XK: variants seen among roughly 807,000 people sequenced by gnomAD.
XK encodes the protein endoplasmic reticulum membrane adapter protein XK.
XK carries 2 observed loss-of-function variants against 14.0 expected under a neutral mutation model. The observed-to-expected ratio is 0.14, with a 90% CI of 0.06 to 0.45. XK has a LOEUF of 0.45. XK is among the 20% of genes least tolerant of loss of function. The pLI is 0.98. For missense variants in XK, 235 were observed against 341.5 expected, an observed-to-expected ratio of 0.69 and a Z score of 2.46; for synonymous variants, 149 against 147.5, an observed-to-expected ratio of 1.01 and a Z score of -0.08.
intron 1 of XK, among the ~76,000 whole-genome samples, chrX:37,693,692 G>A (rs1417363539): frequency 8.9e-6 from 1 of 111,840 alleles, no homozygotes; most frequent in African/African-American, 3.3e-5. Flanking sequence ...GTAACATGTT[G>A]TGGTCTCCCA....
chrX:37,731,922 A>G lies in XK; in HGVS notation c.*3460A>G, dbSNP rs987466242. 4.5e-5 allele frequency: 5 copies of G among 112,069 alleles called. No homozygotes were observed. The East Asian group carries it at 1.1e-3, about 25-fold the overall frequency. 9.2% of individuals were successfully genotyped at this position (112,069 alleles called of 1,213,427 possible). A position where few individuals can be genotyped will look rare whatever the true frequency, so the allele number is the denominator to read the frequency against. ...TTTTCAGCCTTGTAAATGGGAAAAT[A>G]TATATTAAAATTGATTGTCAAATAC... On this transcript the variant is annotated 3_prime_UTR_variant, in exon 3 of 3. Transcript: ENST00000378616.
In XK at chrX:37,707,744, T is replaced by G. The variant is rs782604600; in HGVS notation, c.508+13196T>G. On this transcript the variant is annotated intron_variant, in intron 2 of 2. Transcript: ENST00000378616. The stretch of plus-strand genomic sequence containing the variant: ...AGAGTGGGCAGCCAGGCAGAGGGGC[T>G]CCTCACATCCCAGATGATGGGCGGC... 5.7e-4 allele frequency among the ~76,000 whole-genome samples: 63 copies of G among 110,033 alleles called. No homozygotes were observed. The East Asian group carries it at 0.017, about 30-fold the overall frequency.
intron 2 of XK, among the ~76,000 whole-genome samples, chrX:37,710,548 C>T (rs1333359184): frequency 8.9e-6 from 1 of 111,839 alleles, no homozygotes; most frequent in African/African-American, 3.3e-5. Context: ...GTAATCTCAG[C>T]ACTCTGGGAG....
chrX:37,728,090 C>T lies in XK; in HGVS notation c.963C>T (p.Tyr321=). ...ATTGGTACCAGCTACTGGTGTATTA[C>T]ATGATAAGATTCATCGAGAATGCCA... ...SHNWYQLLVY[Y]MIRFIENAIL... The change falls in exon 3 of 3, where the codon TAC becomes TAT. Residue 321 remains tyrosine (Y), a synonymous_variant. Transcript: ENST00000378616. 8.3e-7 allele frequency: 1 copy of T among 1,211,632 alleles called. No individual in the cohort carries two copies. The highest frequency in any genetic ancestry group is 1.1e-6 in the Non-Finnish European group (1 of 895,428).
At chrX:37,686,355 A>G in intron 1 of XK, 149 bp downstream of exon 1, 1 of 1,052,646 alleles carries the variant, frequency 9.5e-7, no homozygotes, top group Non-Finnish European at 1.3e-6. Flanking sequence ...CAGCCCCATT[A>G]TTCCAGTCAG....
In XK at chrX:37,694,303, G is replaced by C; in HGVS notation, c.263G>C (p.Cys88Ser). The change falls in exon 2 of 3, where the codon TGC becomes TCC. Residue 88 changes from cysteine to serine, a missense_variant. By Grantham distance (112) the Cys-to-Ser change is moderately radical. Coordinates refer to ENST00000378616, the MANE Select transcript of XK (RefSeq NM_021083.4). ...GTTTTCAGGTGTTTTGAAGTCTTCT[G>C]CATCTACTTTCAGTCAGGCAACAAT... ...GPLFRCFEVF[C>S]IYFQSGNNEE... The C allele has an allele frequency of 8.3e-7, 1 of 1,211,918 alleles. No individual in the cohort carries two copies. The highest frequency in any genetic ancestry group is 1.8e-5 in the South Asian group (1 of 56,944).
rs782460062 is a variant in XK at position 37,686,593 on chromosome X, T to C, written c.245+387T>C. ...TTGGGAAGTGTGTTCTAAGCTGTGG[T>C]TACGGGGACAGCATGTACAGGTGAT... On this transcript the variant is annotated intron_variant, in intron 1 of 2. Coordinates refer to ENST00000378616, the MANE Select transcript of XK (RefSeq NM_021083.4). Among the ~76,000 whole-genome samples, 11 of 112,025 alleles carry C rather than the reference T, an allele frequency of 9.8e-5. No individual in the cohort carries two copies. In the East Asian group the frequency reaches 1.4e-3, roughly 14 times the overall value.
intron 2 of XK, among the ~76,000 whole-genome samples, chrX:37,719,557 T>C (rs1440070883): frequency 9.0e-6 from 1 of 111,280 alleles, no homozygotes; most frequent in East Asian, 2.8e-4. Context: ...TGAGTACTAA[T>C]TATCTTTATA....
At chrX:37,690,091 A>T (rs1403180089) in intron 1 of XK, among the ~76,000 whole-genome samples, 1 of 112,208 alleles carries the variant, frequency 8.9e-6, no homozygotes, top group Non-Finnish European at 1.9e-5. Context: ...TCACCATAGT[A>T]TATCTTTCTA....
intron 1 of XK, 144 bp from the exon 2 acceptor site, chrX:37,694,142 G>A: frequency 1.3e-6 from 1 of 751,296 alleles, no homozygotes; most frequent in Non-Finnish European, 2.0e-6. Flanking sequence ...ACTGGTCCTT[G>A]GAGTAGTTGA....
At chrX:37,714,244 A>G (rs1341305716) in intron 2 of XK, among the ~76,000 whole-genome samples, 1 of 111,660 alleles carries the variant, frequency 9.0e-6, no homozygotes, top group African/African-American at 3.3e-5. Context: ...CTGCTTGATT[A>G]TATTCAGCAG....
chrX:37,708,616 C>T (rs1162609975), intron 2 of XK, among the ~76,000 whole-genome samples: 1 of 112,239 alleles, frequency 8.9e-6, no homozygotes, highest in African/African-American at 3.2e-5. Context: ...AAGAACAGAC[C>T]AGTACTCCAA....
intron 1 of XK, among the ~76,000 whole-genome samples, chrX:37,689,428 T>C (rs1927163189): frequency 8.9e-6 from 1 of 112,281 alleles, no homozygotes; most frequent in Non-Finnish European, 1.9e-5. Flanking sequence ...CCCCCTTCCT[T>C]ATGGATTGGA....
At chrX:37,700,752 C>T (rs782214638) in intron 2 of XK, among the ~76,000 whole-genome samples, 120 of 110,998 alleles carry the variant, frequency 1.1e-3, no homozygotes, top group African/African-American at 3.8e-3. Flanking sequence ...GGTGGAGCTG[C>T]AGACTCTGAC....
At chrX:37,714,401 A>G (rs1927722798) in intron 2 of XK, among the ~76,000 whole-genome samples, 1 of 108,884 alleles carries the variant, frequency 9.2e-6, no homozygotes, top group African/African-American at 3.4e-5. Flanking sequence ...TTACATTCAG[A>G]AAAAAAAAGC....
chrX:37,726,599 A>G (rs782689423), intron 2 of XK, among the ~76,000 whole-genome samples: 2 of 112,214 alleles, frequency 1.8e-5, no homozygotes, highest in Non-Finnish European at 3.8e-5. Context: ...TATCTTAGAT[A>G]GTACAACTCA....
At chrX:37,704,509 C>T (rs782367379) in intron 2 of XK, among the ~76,000 whole-genome samples, 6 of 110,755 alleles carry the variant, frequency 5.4e-5, no homozygotes, top group Non-Finnish European at 1.1e-4. Flanking sequence ...TGCACTCTAG[C>T]CTGGGCCACA....
chrX:37,720,514 T>C (rs886284813), intron 2 of XK, among the ~76,000 whole-genome samples: 6 of 111,390 alleles, frequency 5.4e-5, no homozygotes, highest in Non-Finnish European at 9.5e-5. Context: ...TTATCCTTTT[T>C]TTCTTTTCCT....
Position 37,728,385 on chromosome X carries a change from G to A in XK, c.1258G>A (p.Asp420Asn). The change falls in exon 3 of 3, where the codon GAT becomes AAT. Residue 420 changes from aspartate (D) to asparagine (N), a missense_variant. Coordinates refer to ENST00000378616, the MANE Select transcript of XK (RefSeq NM_021083.4). ...AGATCTACAGTCATCCAGAGATAGA[G>A]ATGAGACACCTTCTAGCAGTAAAAC... The part of the protein sequence containing the change: ...KEDLQSSRDR[D>N]ETPSSSKTSP... The A allele has an allele frequency of 8.3e-7, 1 of 1,208,978 alleles. No individual in the cohort carries two copies. The highest frequency in any genetic ancestry group is 1.1e-6 in the Non-Finnish European group (1 of 895,140).
Sources: gnomAD v4.1 joint callset for allele counts (sites outside exome capture counted in the v4.1 genomes callset) on GRCh38, gnomAD v4.1.1 for gene constraint, MANE v1.5 for transcripts, NCBI Gene and HGNC (gene_info 2026-07-23, HGNC 2026-07-21) for gene names.